SVEP1: variants seen among roughly 807,000 people sequenced by gnomAD.
SVEP1 encodes sushi, von Willebrand factor type A, EGF and pentraxin domain-containing protein 1.
SVEP1 carries 164 observed loss-of-function variants against 367.3 expected under a neutral mutation model. That is an observed-to-expected ratio of 0.45 (90% CI 0.39 to 0.51). The LOEUF is 0.51. Ranked by LOEUF, SVEP1 falls within the 20% of genes least tolerant of loss-of-function variation. The probability of loss-of-function intolerance (pLI) is 0.00; values close to 1 mark genes in which losing one functional copy is unlikely to be tolerated. For missense variants in SVEP1, 4,117 were observed against 4,425.3 expected (o/e 0.93, Z 1.98); for synonymous variants, 1,666 against 1,611.6 (o/e 1.03, Z -0.81).
At position 110,387,281 on chromosome 9, in the gene SVEP1, A is replaced by G. The variant is rs200311711; in HGVS notation, c.10060+4T>C. On this transcript the variant is annotated splice_donor_region_variant and intron_variant, in intron 42 of 47. Transcript: ENST00000374469. ...TTAAAATTTCTCCTAAAGGCAACAC[A>G]CACGTTTGCAGAGAGGGACTGGGTG... 115 of 1,576,568 alleles carry G rather than the reference A, an allele frequency of 7.3e-5. No individual in the cohort carries two copies. The highest frequency in any genetic ancestry group is 2.9e-4 in the Admixed American group (14 of 48,208).
chr9:110,573,041 C>T (rs1043785760), intron 1 of SVEP1, among the ~76,000 whole-genome samples: 4 of 151,944 alleles, frequency 2.6e-5, no homozygotes, highest in Admixed American at 1.3e-4. Flanking sequence ...CATTTCCAGA[C>T]GTAAATTTGG....
chr9:110,409,768 A>T (rs945462328), intron 37 of SVEP1, among the ~76,000 whole-genome samples: 1 of 152,202 alleles, frequency 6.6e-6, no homozygotes, highest in African/African-American at 2.4e-5. Flanking sequence ...TAACAATAGA[A>T]AATAATATCC....
intron 3 of SVEP1, among the ~76,000 whole-genome samples, chr9:110,545,826 G>C (rs1363048704): frequency 6.6e-6 from 1 of 152,122 alleles, no homozygotes; most frequent in Admixed American, 6.5e-5. Flanking sequence ...TGGAGTATGA[G>C]AGGCCACATA....
chr9:110,404,193 A>G (rs1827916486), intron 39 of SVEP1, 134 bp downstream of exon 39: 1 of 832,106 alleles, frequency 1.2e-6, no homozygotes, highest in Non-Finnish European at 1.8e-6. Flanking sequence ...CTACCAAGAA[A>G]CTTTTCAAAT....
At position 110,525,922 on chromosome 9, in the gene SVEP1, A is replaced by G. The variant is rs115488055; in HGVS notation, c.965-11816T>C. On this transcript the variant is annotated intron_variant, in intron 3 of 47. Coordinates refer to ENST00000374469, the MANE Select transcript of SVEP1 (RefSeq NM_153366.4). ...TGGCTGATTTTTAACCAAAGTGCAA[A>G]AACAATTTAACAGAGGAAAGATAGC... is the stretch of plus-strand genomic sequence containing the variant. Among the ~76,000 whole-genome samples the G allele has an allele frequency of 4.6e-3, 706 of 152,266 alleles. 10 individuals are homozygous for G. Among genetic ancestry groups the G allele is most frequent in the African/African-American group, 0.016 (668 of 41,562 alleles).
intron 37 of SVEP1, among the ~76,000 whole-genome samples, chr9:110,409,425 G>A (rs1828010803): frequency 6.6e-6 from 1 of 151,628 alleles, no homozygotes. Flanking sequence ...CTGTCTAAAG[G>A]GAAGAAAGAA....
At chr9:110,538,820 C>T (rs1476131430) in intron 3 of SVEP1, among the ~76,000 whole-genome samples, 1 of 152,076 alleles carries the variant, frequency 6.6e-6, no homozygotes, top group Non-Finnish European at 1.5e-5. Context: ...TTCAGAACAG[C>T]TGCAACTGCT....
At chr9:110,522,113 G>C (rs548958896) in intron 3 of SVEP1, among the ~76,000 whole-genome samples, 10 of 152,156 alleles carry the variant, frequency 6.6e-5, no homozygotes, top group Non-Finnish European at 1.2e-4. Flanking sequence ...TTTTCACTGG[G>C]TATTAGCAGT....
chr9:110,451,410 G>T lies in SVEP1; in HGVS notation c.3788-8C>A, dbSNP rs573624325. The T allele has an allele frequency of 2.6e-5, 41 of 1,606,572 alleles. No homozygotes were observed. In the East Asian group the frequency reaches 9.2e-4, roughly 36 times the overall value. ...TTTCTTCACACCGCTGACCTGCAAA[G>T]AATCATTCATCTTTGAGCTGGAGAA... On this transcript the variant is annotated splice_region_variant and splice_polypyrimidine_tract_variant and intron_variant, in intron 22 of 47. Coordinates refer to ENST00000374469, the MANE Select transcript of SVEP1 (RefSeq NM_153366.4).
chr9:110,428,000 A>C (rs1054338646), intron 35 of SVEP1, among the ~76,000 whole-genome samples: 2 of 152,312 alleles, frequency 1.3e-5, no homozygotes, highest in East Asian at 3.9e-4. Context: ...GCATAGTAAA[A>C]TATTGAATCT....
intron 3 of SVEP1, among the ~76,000 whole-genome samples, chr9:110,518,697 T>G (rs547037530): frequency 6.6e-6 from 1 of 152,274 alleles, no homozygotes; most frequent in South Asian, 2.1e-4. Flanking sequence ...AATATCTAAA[T>G]AAAACTTATG....
chr9:110,528,154 G>GTATATATATA (rs1265572366), intron 3 of SVEP1, among the ~76,000 whole-genome samples: 451 of 25,592 alleles, frequency 0.018, 1 homozygote, highest in Middle Eastern at 0.056. Context: ...GTGTGTGTGT[G>GTATATATATA]TGTATATATA....
intron 37 of SVEP1, among the ~76,000 whole-genome samples, chr9:110,409,196 G>C (rs1427940287): frequency 6.6e-6 from 1 of 152,146 alleles, no homozygotes; most frequent in African/African-American, 2.4e-5. Flanking sequence ...AGCACTTTGG[G>C]AGGCCGAGGC....
rs375771958 is a variant in SVEP1 at position 110,392,963 on chromosome 9, G to A, written c.9823-3376C>T. On this transcript the variant is annotated intron_variant, in intron 40 of 47. Coordinates refer to ENST00000374469, the MANE Select transcript of SVEP1 (RefSeq NM_153366.4). ...ATTTTACATTTCTTGTCCGAGACCT[G>A]GAGTTGGTAATTTCTCCAAGTAACT... is the stretch of plus-strand genomic sequence containing the variant. Among the ~76,000 whole-genome samples the A allele has an allele frequency of 2.6e-5, 4 of 152,110 alleles. No individual in the cohort carries two copies. The East Asian group carries it at 5.8e-4, about 22-fold the overall frequency.
intron 3 of SVEP1, among the ~76,000 whole-genome samples, chr9:110,544,098 G>A (rs556965387): frequency 6.6e-6 from 1 of 151,834 alleles, no homozygotes; most frequent in African/African-American, 2.4e-5. Flanking sequence ...AAGGAGATGA[G>A]AGGAGTAAAA....
At chr9:110,517,948 G>T (rs1321074790) in intron 3 of SVEP1, among the ~76,000 whole-genome samples, 2 of 152,008 alleles carry the variant, frequency 1.3e-5, no homozygotes, top group Admixed American at 6.6e-5. Context: ...GAAAGCAAAA[G>T]ATTCTATTTG....
In SVEP1 at chr9:110,489,197, A is replaced by C. The variant is rs138931235; in HGVS notation, c.1930+453T>G. Among the ~76,000 whole-genome samples the C allele has an allele frequency of 1.5e-3, 231 of 152,270 alleles. 1 individual carries two copies. The South Asian group carries it at 0.016, about 10-fold the overall frequency. ...CAGTTGGAAGAATCAGTGACAAGGG[A>C]GTTGTTGATCATAAAGGAGAAGTGG... On this transcript the variant is annotated intron_variant, in intron 9 of 47. Transcript: ENST00000374469.
chr9:110,484,814 C>A (rs1307698846), intron 9 of SVEP1, among the ~76,000 whole-genome samples: 2 of 151,844 alleles, frequency 1.3e-5, no homozygotes, highest in Admixed American at 1.3e-4. Context: ...ATTTATGCGG[C>A]CAACAAACAT....
intron 3 of SVEP1, among the ~76,000 whole-genome samples, chr9:110,526,585 T>C (rs1829942222): frequency 6.6e-6 from 1 of 152,094 alleles, no homozygotes; most frequent in African/African-American, 2.4e-5. Flanking sequence ...CTGATGGAAA[T>C]GTAAAGTAGT....
Sources: gnomAD v4.1 joint callset for allele counts (sites outside exome capture counted in the v4.1 genomes callset) on GRCh38, gnomAD v4.1.1 for gene constraint, MANE v1.5 for transcripts, NCBI Gene and HGNC (gene_info 2026-07-23, HGNC 2026-07-21) for gene names.